TUB: variants seen among roughly 807,000 people sequenced by gnomAD.
TUB encodes TUB bipartite transcription factor, also known as tubby protein homolog.
Under a neutral mutation model 59.7 loss-of-function variants are expected in TUB, and 33 were observed. That is an observed-to-expected ratio of 0.55 (90% CI 0.42 to 0.74). TUB has a LOEUF of 0.74. Ranked by LOEUF, TUB falls within the 30% of genes least tolerant of loss-of-function variation. The probability of loss-of-function intolerance (pLI) is 0.00; values close to 1 mark genes in which losing one functional copy is unlikely to be tolerated. For missense variants in TUB, 659 were observed against 672.0 expected, an observed-to-expected ratio of 0.98 and a Z score of 0.21; for synonymous variants, 293 against 256.4, an observed-to-expected ratio of 1.14 and a Z score of -1.36.
chr11:8,030,066 A>C (rs1589920539), intron 1 of TUB, among the ~76,000 whole-genome samples: 1 of 152,082 alleles, frequency 6.6e-6, no homozygotes, highest in South Asian at 2.1e-4. Context: ...AGCTGGTGTA[A>C]CTGGGGCTCA....
intron 2 of TUB, among the ~76,000 whole-genome samples, chr11:8,052,939 G>C (rs1184465856): frequency 6.6e-6 from 1 of 152,132 alleles, no homozygotes; most frequent in African/African-American, 2.4e-5. Context: ...AGTTGGATAT[G>C]CAAATAATGA....
chr11:8,089,199 T>A (rs1943723272), intron 1 of TUB, among the ~76,000 whole-genome samples: 2 of 152,130 alleles, frequency 1.3e-5, no homozygotes, highest in African/African-American at 4.8e-5. Context: ...AGGCTGGGGC[T>A]GGTGAGATCC....
At chr11:8,033,772 A>C (rs578193308), upstream of TUB, among the ~76,000 whole-genome samples, 4 of 152,318 alleles carry the variant, frequency 2.6e-5, no homozygotes, top group South Asian at 8.3e-4. Flanking sequence ...TGGTGAATGC[A>C]TTTTTAGTGT....
rs1318246360 is a variant in TUB at position 8,081,327 on chromosome 11, C to T, written c.-184C>T. On this transcript the variant is annotated 5_prime_UTR_variant, in exon 1 of 12. Coordinates refer to ENST00000299506, the MANE Select transcript of TUB (RefSeq NM_177972.3). ...GCCCATCTCGCCTCGCCGCGCCGCGCAGGCAGCCGCTCGCAGAGCCAGCAG... is the reference window on the plus strand; with the variant it reads ...GCCCATCTCGCCTCGCCGCGCCGCGTAGGCAGCCGCTCGCAGAGCCAGCAG... The T allele has an allele frequency of 1.0e-6, 1 of 975,312 alleles. No homozygotes were observed. 60.4% of individuals were successfully genotyped at this position (975,312 alleles called of 1,614,324 possible).
chr11:8,101,858 C>CAACCA lies in TUB; in HGVS notation c.*240_*241insACCAA. ...GGGATGAGAATAATTCTTTCCATGCCACGAGATCAACACACACTCCCACCC... is the reference window on the plus strand; with the variant it reads ...GGGATGAGAATAATTCTTTCCATGCCAACCAACGAGATCAACACACACTCCCACCC... On this transcript the variant is annotated 3_prime_UTR_variant, in exon 12 of 12. Transcript: ENST00000299506. The CAACCA allele has an allele frequency of 2.1e-6, 1 of 479,318 alleles. No individual in the cohort carries two copies. Among genetic ancestry groups the CAACCA allele is most frequent in the Non-Finnish European group, 3.4e-6 (1 of 290,860 alleles). 29.7% of individuals were successfully genotyped at this position (479,318 alleles called of 1,614,324 possible). A position where few individuals can be genotyped will look rare whatever the true frequency, so the allele number is the denominator to read the frequency against.
At chr11:8,052,544 A>G (rs1942949931) in intron 2 of TUB, among the ~76,000 whole-genome samples, 1 of 134,826 alleles carries the variant, frequency 7.4e-6, no homozygotes, top group South Asian at 2.2e-4. Context: ...ATCTCGGCTC[A>G]CTGCAAGCTC....
intron 11 of TUB, among the ~76,000 whole-genome samples, chr11:8,101,207 T>A (rs1311955813): frequency 6.6e-6 from 1 of 152,214 alleles, no homozygotes; most frequent in Non-Finnish European, 1.5e-5. Context: ...TTCTGTGTAT[T>A]CAACGGAGTC....
In TUB at chr11:8,050,024, G is replaced by A. The variant is rs992236304; in HGVS notation, c.203+10332G>A. On this transcript the variant is annotated intron_variant, in intron 2 of 12. Coordinates refer to the TUB transcript ENST00000305253. ...TGCACCCTCCCAAAGTAGTGATCCC[G>A]ACTTTTAACATCATAGATTAATTTT... 7.2e-5 allele frequency among the ~76,000 whole-genome samples: 11 copies of A among 152,040 alleles called. No homozygotes were observed. The South Asian group carries it at 1.2e-3, about 17-fold the overall frequency.
chr11:8,101,473 T>C lies in TUB; in HGVS notation c.1388-13T>C. On this transcript the variant is annotated splice_polypyrimidine_tract_variant and intron_variant, in intron 11 of 11. Coordinates refer to ENST00000299506, the MANE Select transcript of TUB (RefSeq NM_177972.3). ...CTGTCCTTTTCTCTGTCTGTGCCTG[T>C]GCTTGGCCCCAGCGGACTACATCGT... 5.0e-6 allele frequency: 8 copies of C among 1,614,208 alleles called. No homozygotes were observed. Among genetic ancestry groups the C allele is most frequent in the Non-Finnish European group, 6.8e-6 (8 of 1,180,024 alleles).
intron 1 of TUB, among the ~76,000 whole-genome samples, chr11:8,027,061 T>G (rs1400091643): frequency 1.3e-5 from 2 of 152,232 alleles, no homozygotes; most frequent in Non-Finnish European, 2.9e-5. Context: ...CAGTTTCTGA[T>G]TTTTCATTCC....
chr11:8,021,729 C>G (rs1342305048), intron 1 of TUB, among the ~76,000 whole-genome samples: 1 of 151,790 alleles, frequency 6.6e-6, no homozygotes, highest in African/African-American at 2.4e-5. Flanking sequence ...TCCTGGCTAA[C>G]ACGGTGAAAC....
At chr11:8,053,298 T>G (rs1942963006) in intron 2 of TUB, among the ~76,000 whole-genome samples, 1 of 152,184 alleles carries the variant, frequency 6.6e-6, no homozygotes. Flanking sequence ...TTGTTAATCT[T>G]TTATTGAGAA....
At chr11:8,056,999 G>C (rs1279685500) in intron 2 of TUB, among the ~76,000 whole-genome samples, 1 of 152,154 alleles carries the variant, frequency 6.6e-6, no homozygotes, top group Non-Finnish European at 1.5e-5. Flanking sequence ...GGCCCACAGA[G>C]TGGAAACAAG....
At position 8,106,208 on chromosome 11, in the gene TUB, C is replaced by CATATATCAACA. The variant is rs1050118183; in HGVS notation, c.*4591_*4601dup. On this transcript the variant is annotated 3_prime_UTR_variant, in exon 12 of 12. Coordinates refer to ENST00000299506, the MANE Select transcript of TUB (RefSeq NM_177972.3). ...AATTTAGTGTTTGTCTAAGTACACA[C>CATATATCAACA]ATATATCAACAAATTAAACTTGAAT... The CATATATCAACA allele has an allele frequency of 2.0e-5, 3 of 152,078 alleles. No individual in the cohort carries two copies. Among genetic ancestry groups the CATATATCAACA allele is most frequent in the African/African-American group, 7.2e-5 (3 of 41,428 alleles). 9.4% of individuals were successfully genotyped at this position (152,078 alleles called of 1,614,324 possible). A position where few individuals can be genotyped will look rare whatever the true frequency, so the allele number is the denominator to read the frequency against.
intron 2 of TUB, among the ~76,000 whole-genome samples, chr11:8,047,578 G>A (rs1292255832): frequency 2.6e-5 from 4 of 152,202 alleles, no homozygotes; most frequent in African/African-American, 9.6e-5. Flanking sequence ...AATAGCAGAA[G>A]GGCTCTGTGC....
chr11:8,094,092 C>T lies in TUB; in HGVS notation c.300C>T (p.Arg100=). The T allele has an allele frequency of 1.2e-6, 2 of 1,614,162 alleles. No individual in the cohort carries two copies. Among genetic ancestry groups the T allele is most frequent in the Non-Finnish European group, 1.7e-6 (2 of 1,180,036 alleles). The change falls in exon 4 of 12, where the codon CGC becomes CGT. Residue 100 remains arginine, a synonymous_variant. Transcript: ENST00000299506. ...CCAGTGTGCAGCTGGGAGCCACGCG[C>T]CCAACAGCACCAGCTTCAGCCAAGA... ...SLASVQLGAT[R]PTAPASAKRT... is the part of the protein sequence containing the mutation.
rs1943561433 is a variant in TUB, at chr11:8,081,490, A to ACCGCC, written c.-13_-9dup. The stretch of plus-strand genomic sequence containing the variant: ...GGCCCCGGCCTCCAGAGCCGCAGCC[A>ACCGCC]CCGCCCCGCCCCCGAGAGACATGAC... On this transcript the variant is annotated 5_prime_UTR_variant, in exon 1 of 12. Transcript: ENST00000299506. The ACCGCC allele has an allele frequency of 6.6e-7, 1 of 1,507,342 alleles. No homozygotes were observed. Among genetic ancestry groups the ACCGCC allele is most frequent in the East Asian group, 2.8e-5 (1 of 36,254 alleles). The allele number at this position is 1,507,342 out of a possible 1,614,324, so 93.4% of individuals were successfully genotyped here.
intron 1 of TUB, among the ~76,000 whole-genome samples, chr11:8,086,808 T>C (rs1445407701): frequency 2.0e-5 from 3 of 152,150 alleles, no homozygotes; most frequent in African/African-American, 4.8e-5. Context: ...GGTGAGGTGG[T>C]AGGTGGCTCT....
At chr11:8,093,983 G>A (rs1943870972) in intron 3 of TUB, 63 bp from the exon 4 acceptor site, 2 of 1,602,972 alleles carry the variant, frequency 1.2e-6, no homozygotes, top group South Asian at 1.1e-5. Context: ...GTGTTCAGGT[G>A]GGAGCTCTGG....
Sources: allele counts gnomAD v4.1 joint callset (sites outside exome capture counted in the v4.1 genomes callset), GRCh38; gene constraint gnomAD v4.1.1; transcripts MANE v1.5; gene names NCBI Gene and HGNC (gene_info 2026-07-23, HGNC 2026-07-21).